Variants in NELL2 observed in about 807,000 individuals in gnomAD.
The protein encoded by NELL2 is protein kinase C-binding protein NELL2.
NELL2 carries 41 observed loss-of-function variants against 109.6 expected under a neutral mutation model. That is an observed-to-expected ratio of 0.37 (90% CI 0.29 to 0.49). The LOEUF (loss-of-function observed/expected upper bound fraction) is 0.49, where lower values mean the gene tolerates loss of function less well. Ranked by LOEUF, NELL2 falls within the 20% of genes least tolerant of loss-of-function variation. NELL2 has a pLI of 0.98. For synonymous variants in NELL2, 355 were observed against 344.7 expected (o/e 1.03, Z -0.33); for missense variants, 900 against 1,008.3 (o/e 0.89, Z 1.45).
At chr12:44,600,179 TATTG>T (rs1945162858) in intron 15 of NELL2, among the ~76,000 whole-genome samples, 1 of 137,922 alleles carries the variant, frequency 7.3e-6, no homozygotes, top group Non-Finnish European at 1.5e-5. Context: ...TTTATTTATT[TATTG>T]TATTTTTAGT....
intron 3 of NELL2, among the ~76,000 whole-genome samples, chr12:44,802,163 GC>G (rs1455549594): frequency 6.6e-6 from 1 of 152,074 alleles, no homozygotes; most frequent in African/African-American, 2.4e-5. Context: ...ATGTGATTGA[GC>G]AAAACTCCTG....
chr12:44,658,718 T>A (rs189253905), intron 13 of NELL2, among the ~76,000 whole-genome samples: 2,309 of 150,964 alleles, frequency 0.015, 48 homozygotes, highest in African/African-American at 0.053. Flanking sequence ...CTACTAAAAA[T>A]ACAAAAAATT....
intron 11 of NELL2, among the ~76,000 whole-genome samples, chr12:44,704,326 AC>A (rs57611371): frequency 0.13 from 19,074 of 143,504 alleles, 1,338 homozygotes; most frequent in East Asian, 0.21. Context: ...TCCAAAAAAA[AC>A]AAAACCTTTC....
At chr12:44,703,593 T>A in intron 12 of NELL2, 133 bp downstream of exon 12, 1 of 911,394 alleles carries the variant, frequency 1.1e-6, no homozygotes, top group Non-Finnish European at 1.7e-6. Context: ...TTTTAGCTGA[T>A]TAATATGCTT....
Position 44,748,307 on chromosome 12 carries a change from C to G in NELL2, c.994+26440G>C, listed in dbSNP as rs574697150. ...GTACTCAACAACAACAACAAAATTT[C>G]AGACCTTTGATAGTAGGTTTGCTTT... On this transcript the variant is annotated intron_variant, in intron 9 of 19. Transcript: ENST00000429094. 7.9e-5 allele frequency among the ~76,000 whole-genome samples: 12 copies of G among 152,268 alleles called. No homozygotes were observed. In the East Asian group the frequency reaches 2.3e-3, roughly 29 times the overall value.
intron 9 of NELL2, among the ~76,000 whole-genome samples, chr12:44,765,602 C>T (rs544227369): frequency 6.6e-6 from 1 of 152,114 alleles, no homozygotes; most frequent in Non-Finnish European, 1.5e-5. Context: ...TATACTGTGG[C>T]TCAGAGTGGG....
chr12:44,678,567 A>C (rs1440433902), intron 12 of NELL2, among the ~76,000 whole-genome samples: 5 of 152,000 alleles, frequency 3.3e-5, no homozygotes, highest in Non-Finnish European at 7.4e-5. Context: ...TTCTTGGCTG[A>C]ATATCATCTT....
intron 12 of NELL2, among the ~76,000 whole-genome samples, chr12:44,688,156 C>T (rs141307175): frequency 2.0e-5 from 3 of 152,124 alleles, no homozygotes; most frequent in South Asian, 2.1e-4. Flanking sequence ...TATTGAAGCA[C>T]TGGTTAGAAT....
chr12:44,796,849 C>T (rs1942640226), intron 3 of NELL2, among the ~76,000 whole-genome samples: 1 of 151,984 alleles, frequency 6.6e-6, no homozygotes, highest in Non-Finnish European at 1.5e-5. Context: ...TCTTATTACC[C>T]TACATAACTG....
chr12:44,533,455 T>A (rs1266281200), intron 15 of NELL2, among the ~76,000 whole-genome samples: 3 of 151,480 alleles, frequency 2.0e-5, no homozygotes, highest in Non-Finnish European at 4.4e-5. Flanking sequence ...ATTGAACATG[T>A]GAAAAAAAAA....
intron 15 of NELL2, among the ~76,000 whole-genome samples, chr12:44,571,914 G>A (rs1482827977): frequency 1.3e-5 from 2 of 151,990 alleles, no homozygotes; most frequent in Admixed American, 6.6e-5. Flanking sequence ...CTCAGGGTAT[G>A]TAGATTACAG....
At chr12:44,627,860 A>C (rs777740463) in intron 13 of NELL2, among the ~76,000 whole-genome samples, 14 of 152,254 alleles carry the variant, frequency 9.2e-5, no homozygotes, top group Non-Finnish European at 1.6e-4. Flanking sequence ...GAATTGTATT[A>C]GCAACCAGAT....
intron 13 of NELL2, among the ~76,000 whole-genome samples, chr12:44,644,604 G>GTATATATATA (rs1555190872): frequency 4.6e-3 from 371 of 81,012 alleles, no homozygotes; most frequent in East Asian, 0.02. Context: ...ATATATATAT[G>GTATATATATA]TATGTATATA....
At chr12:44,784,101 C>A (rs1352753295) in intron 3 of NELL2, among the ~76,000 whole-genome samples, 2 of 151,930 alleles carry the variant, frequency 1.3e-5, no homozygotes, top group East Asian at 3.9e-4. Context: ...AAGCATTTGA[C>A]AAAATTCAGC....
chr12:44,875,081 T>G, intron 2 of NELL2, 144 bp downstream of exon 2: 1 of 1,067,168 alleles, frequency 9.4e-7, no homozygotes, highest in South Asian at 1.7e-5. Flanking sequence ...GATAGGGATA[T>G]GTGTCTCACA....
intron 1 of NELL2, among the ~76,000 whole-genome samples, chr12:44,910,102 C>A (rs1272579963): frequency 6.6e-6 from 1 of 151,922 alleles, no homozygotes; most frequent in Non-Finnish European, 1.5e-5. Context: ...TCCTCAAAAG[C>A]AATAGCAACA....
At chr12:44,736,012 T>C (rs1430530140) in intron 9 of NELL2, among the ~76,000 whole-genome samples, 2 of 146,124 alleles carry the variant, frequency 1.4e-5, no homozygotes, top group African/African-American at 2.5e-5. Flanking sequence ...TTCTTTTTTT[T>C]TTTTTTTTTT....
intron 12 of NELL2, among the ~76,000 whole-genome samples, chr12:44,673,058 T>G (rs907133398): frequency 6.6e-6 from 1 of 152,210 alleles, no homozygotes; most frequent in African/African-American, 2.4e-5. Flanking sequence ...TGGAGTAGTG[T>G]TGTGAGACAG....
intron 2 of NELL2, among the ~76,000 whole-genome samples, chr12:44,817,764 C>T (rs1029864318): frequency 6.6e-6 from 1 of 152,182 alleles, no homozygotes; most frequent in Non-Finnish European, 1.5e-5. Flanking sequence ...TCAATTTACT[C>T]TCTTGGTTTA....
Sources: gnomAD v4.1 joint callset for allele counts (sites outside exome capture counted in the v4.1 genomes callset) on GRCh38, gnomAD v4.1.1 for gene constraint, MANE v1.5 for transcripts, NCBI Gene and HGNC (gene_info 2026-07-23, HGNC 2026-07-21) for gene names.